DHX36: variants seen among roughly 807,000 people sequenced by gnomAD.
DHX36 encodes the protein DEAH-box helicase 36.
Under a neutral mutation model 139.0 loss-of-function variants are expected in DHX36, and 50 were observed. That is an observed-to-expected ratio of 0.36 (90% CI 0.29 to 0.46). The LOEUF (loss-of-function observed/expected upper bound fraction) is 0.46. DHX36 is among the 20% of genes least tolerant of loss of function. The probability of loss-of-function intolerance (pLI) is 1.00; values close to 1 mark genes in which losing one functional copy is unlikely to be tolerated. For missense variants in DHX36, 1,024 were observed against 1,211.3 expected (o/e 0.85, Z 2.29); for synonymous variants, 425 against 401.9 (o/e 1.06, Z -0.69).
chr3:154,309,083 G>A (rs918768669), intron 5 of DHX36, among the ~76,000 whole-genome samples: 9 of 152,100 alleles, frequency 5.9e-5, no homozygotes, highest in African/African-American at 2.2e-4. Flanking sequence ...ACCTACTTGG[G>A]GGGCGGAGGC....
chr3:154,301,295 A>G (rs1174835063), intron 9 of DHX36, among the ~76,000 whole-genome samples, 168 bp from the exon 10 acceptor site: 1 of 152,238 alleles, frequency 6.6e-6, no homozygotes, highest in African/African-American at 2.4e-5. Context: ...ATTAACTTAT[A>G]AAACCTGATA....
At chr3:154,278,005 G>C in intron 22 of DHX36, 2 of 221,210 alleles carry the variant, frequency 9.0e-6, no homozygotes, top group East Asian at 2.0e-4. Flanking sequence ...CAACATTTTA[G>C]AAAAATGGCA....
intron 1 of DHX36, among the ~76,000 whole-genome samples, chr3:154,320,737 C>A (rs1267189473): frequency 1.3e-5 from 2 of 152,118 alleles, no homozygotes; most frequent in South Asian, 4.1e-4. Context: ...TTTGAGTCTA[C>A]CTCCTAAATC....
intron 5 of DHX36, among the ~76,000 whole-genome samples, chr3:154,308,670 C>A (rs1392143677): frequency 6.6e-6 from 1 of 152,046 alleles, no homozygotes; most frequent in Non-Finnish European, 1.5e-5. Flanking sequence ...CATCCCAAAT[C>A]TGAAAATTCA....
At chr3:154,300,029 A>C (rs1712203630) in intron 11 of DHX36, 104 bp from the exon 12 acceptor site, 1 of 740,902 alleles carries the variant, frequency 1.3e-6, no homozygotes, top group Middle Eastern at 2.4e-4. Context: ...ATACTAGCTC[A>C]GGATAATTTT....
At position 154,284,567 on chromosome 3, in the gene DHX36, A is replaced by AT. The variant is rs753400803; in HGVS notation, c.2292+15_2292+16insA. 89 of 1,537,768 alleles carry AT rather than the reference A, an allele frequency of 5.8e-5. No homozygotes were observed. The highest frequency in any genetic ancestry group is 7.3e-5 in the Non-Finnish European group (82 of 1,128,746). On this transcript the variant is annotated intron_variant, in intron 19 of 24. Transcript: ENST00000496811. ...AATAAACTATCATAATCCAGGACAA[A>AT]ATTTTTTTTTTTTACCTCAAACGCA...
Position 154,296,343 on chromosome 3 carries a change from G to A in DHX36, c.1550-1004C>T, listed in dbSNP as rs112909955. ...CAAAAACTTAGCTGGGCGTGTTGGC[G>A]GGCGCCTGTAGTCCCAGCTACCTGG... On this transcript the variant is annotated intron_variant, in intron 12 of 24. Transcript: ENST00000496811. Among the ~76,000 whole-genome samples, 848 of 152,180 alleles carry A rather than the reference G, an allele frequency of 5.6e-3. 12 individuals carry two copies. Among genetic ancestry groups the A allele is most frequent in the African/African-American group, 0.019 (809 of 41,524 alleles).
At position 154,300,971 on chromosome 3, in the gene DHX36, G is replaced by A. The variant is rs372709167; in HGVS notation, c.1358+16C>T. The A allele has an allele frequency of 1.1e-5, 18 of 1,609,070 alleles. No individual in the cohort carries two copies. The highest frequency in any genetic ancestry group is 2.7e-5 in the African/African-American group (2 of 74,446). Reference sequence around the variant, plus strand: ...TTTAGCCACTGATTTCTCACCTTCAGACAAAATAAACTTACCTTCTTCGCA... The same window carrying A: ...TTTAGCCACTGATTTCTCACCTTCAAACAAAATAAACTTACCTTCTTCGCA... On this transcript the variant is annotated intron_variant, in intron 10 of 24. Coordinates refer to ENST00000496811, the MANE Select transcript of DHX36 (RefSeq NM_020865.3).
intron 9 of DHX36, among the ~76,000 whole-genome samples, chr3:154,302,750 G>A (rs1273950276): frequency 6.6e-6 from 1 of 152,114 alleles, no homozygotes; most frequent in Non-Finnish European, 1.5e-5. Context: ...AAAGACAAAG[G>A]TTCCCAAACT....
chr3:154,305,299 T>C, intron 6 of DHX36, 131 bp from the exon 7 acceptor site: 2 of 723,578 alleles, frequency 2.8e-6, no homozygotes, highest in Non-Finnish European at 2.3e-6. Context: ...AATTTTTTAC[T>C]TATAAGAACA....
At chr3:154,282,095 A>G (rs945586784) in intron 20 of DHX36, among the ~76,000 whole-genome samples, 1 of 152,060 alleles carries the variant, frequency 6.6e-6, no homozygotes, top group Non-Finnish European at 1.5e-5. Flanking sequence ...TTATGTTTTC[A>G]TGCTTCTGTT....
At chr3:154,317,640 G>A (rs1425356631) in intron 1 of DHX36, among the ~76,000 whole-genome samples, 1 of 152,026 alleles carries the variant, frequency 6.6e-6, no homozygotes, top group Non-Finnish European at 1.5e-5. Flanking sequence ...AAGTAAGGCA[G>A]AGAACTGAAA....
intron 12 of DHX36, among the ~76,000 whole-genome samples, chr3:154,296,336 T>A (rs1489494392): frequency 1.3e-5 from 2 of 152,012 alleles, no homozygotes. Flanking sequence ...TAGCTGGGCG[T>A]GTTGGCGGGC....
At chr3:154,309,351 T>C (rs1185246387) in intron 5 of DHX36, among the ~76,000 whole-genome samples, 1 of 152,096 alleles carries the variant, frequency 6.6e-6, no homozygotes, top group Non-Finnish European at 1.5e-5. Flanking sequence ...AATCAAATGA[T>C]GGAGATTATT....
At chr3:154,287,002 T>A (rs1286129175) in intron 17 of DHX36, among the ~76,000 whole-genome samples, 1 of 152,056 alleles carries the variant, frequency 6.6e-6, no homozygotes, top group Non-Finnish European at 1.5e-5. Flanking sequence ...GAAAACAAGA[T>A]TTATCATAAA....
chr3:154,280,541 A>G, intron 22 of DHX36, 38 bp downstream of exon 22: 1 of 1,433,882 alleles, frequency 7.0e-7, no homozygotes, highest in Non-Finnish European at 9.7e-7. Context: ...GTTTAAGAAG[A>G]GAATTACGAG....
At chr3:154,299,727 C>A in intron 12 of DHX36, 111 bp downstream of exon 12, 1 of 783,990 alleles carries the variant, frequency 1.3e-6, no homozygotes, top group Non-Finnish European at 2.3e-6. Flanking sequence ...GCTTCACCTT[C>A]ATCTGTGACC....
At chr3:154,318,033 G>GGAGT (rs1235404490) in intron 1 of DHX36, among the ~76,000 whole-genome samples, 7 of 152,076 alleles carry the variant, frequency 4.6e-5, no homozygotes, top group Non-Finnish European at 8.8e-5. Context: ...GGTGGGTAGA[G>GGAGT]GAGTATGTGT....
rs1297352861 is a variant in DHX36, at chr3:154,272,733, A to G, written c.*3438T>C. 2.0e-5 allele frequency: 3 copies of G among 152,094 alleles called. No homozygotes were observed. The highest frequency in any genetic ancestry group is 7.2e-5 in the African/African-American group (3 of 41,434). The allele number at this position is 152,094 out of a possible 1,614,324, so 9.4% of individuals were successfully genotyped here. Reference sequence around the variant, plus strand: ...AAAATCCCATTTAAAAGCAATTAGCATATTAAAAATATATAAGTATACATG... The same window carrying G: ...AAAATCCCATTTAAAAGCAATTAGCGTATTAAAAATATATAAGTATACATG... On this transcript the variant is annotated 3_prime_UTR_variant, in exon 25 of 25. Coordinates refer to ENST00000496811, the MANE Select transcript of DHX36 (RefSeq NM_020865.3).
Sources: allele counts gnomAD v4.1 joint callset (sites outside exome capture counted in the v4.1 genomes callset), GRCh38; gene constraint gnomAD v4.1.1; transcripts MANE v1.5; gene names NCBI Gene and HGNC (gene_info 2026-07-23, HGNC 2026-07-21).